TNKS: variants seen among roughly 807,000 people sequenced by gnomAD.
TNKS encodes poly [ADP-ribose] polymerase tankyrase-1.
A neutral mutation model predicts 135.8 loss-of-function variants in TNKS; 72 were observed. The ratio of observed to expected loss-of-function variants is 0.53; its 90% confidence interval spans 0.44 to 0.64. The LOEUF (loss-of-function observed/expected upper bound fraction) is 0.64, where lower values mean the gene tolerates loss of function less well. Among genes scored for constraint, TNKS ranks in the 30% least tolerant of loss-of-function variants. The probability of loss-of-function intolerance (pLI) is 0.00; values close to 1 mark genes in which losing one functional copy is unlikely to be tolerated. For missense variants in TNKS, 1,769 were observed against 1,674.0 expected (o/e 1.06, Z -0.99); for synonymous variants, 849 against 649.3 (o/e 1.31, Z -4.68).
rs1250009189 is a variant in TNKS at position 9,725,843 on chromosome 8, T to G, written c.1922-798T>G. ...TATTTGGGTCAATGTGAAATGAATT[T>G]TCAGTTTATTTACATTGGATTAATC... On this transcript the variant is annotated intron_variant, in intron 12 of 26. Coordinates refer to ENST00000310430, the MANE Select transcript of TNKS (RefSeq NM_003747.3). Among the ~76,000 whole-genome samples, 3 of 152,222 alleles carry G rather than the reference T, an allele frequency of 2.0e-5. No homozygotes were observed. The East Asian group carries it at 5.8e-4, about 29-fold the overall frequency.
At position 9,778,567 on chromosome 8, in the gene TNKS, C is replaced by T. The variant is rs1346072613; in HGVS notation, c.*1831C>T. 3 of 152,606 alleles carry T rather than the reference C, an allele frequency of 2.0e-5. No individual in the cohort carries two copies. In the East Asian group the frequency reaches 5.8e-4, roughly 29 times the overall value. 9.5% of individuals were successfully genotyped at this position (152,606 alleles called of 1,614,324 possible). On this transcript the variant is annotated 3_prime_UTR_variant, in exon 27 of 27. Transcript: ENST00000310430. ...AATCGAGAATTAGCCTCAGTTGTTG[C>T]TTCTTTTGAAGTTTCAGTGACCCAA...
At chr8:9,666,923 A>G (rs1802026328) in intron 3 of TNKS, among the ~76,000 whole-genome samples, 1 of 152,148 alleles carries the variant, frequency 6.6e-6, no homozygotes, top group African/African-American at 2.4e-5. Context: ...GAGGTATGTA[A>G]TATATTTCAT....
At chr8:9,598,305 C>G (rs1798870813) in intron 2 of TNKS, among the ~76,000 whole-genome samples, 1 of 151,982 alleles carries the variant, frequency 6.6e-6, no homozygotes, top group Non-Finnish European at 1.5e-5. Context: ...CCTCGGCGTC[C>G]CAAAGTGCTG....
chr8:9,574,711 C>T (rs1209483722), intron 1 of TNKS, among the ~76,000 whole-genome samples: 2 of 152,132 alleles, frequency 1.3e-5, no homozygotes, highest in Non-Finnish European at 2.9e-5. Context: ...TCGTTCAAGG[C>T]AGTAGTGTGT....
chr8:9,693,079 C>G (rs1803352597), intron 5 of TNKS, among the ~76,000 whole-genome samples: 1 of 152,096 alleles, frequency 6.6e-6, no homozygotes, highest in African/African-American at 2.4e-5. Context: ...CCTAAGAATT[C>G]CATTTTAATG....
intron 5 of TNKS, among the ~76,000 whole-genome samples, chr8:9,697,534 CAT>C (rs1803574701): frequency 6.6e-6 from 1 of 152,050 alleles, no homozygotes; most frequent in Non-Finnish European, 1.5e-5. Flanking sequence ...AGAAAATACT[CAT>C]AAACTATGCA....
At chr8:9,752,699 C>A in intron 20 of TNKS, 73 bp downstream of exon 20, 1 of 1,041,152 alleles carries the variant, frequency 9.6e-7, no homozygotes, top group Non-Finnish European at 1.4e-6. Flanking sequence ...TGGTTCACAC[C>A]TTACTCCCAA....
chr8:9,780,784 A>G lies in TNKS; in HGVS notation c.*4048A>G, dbSNP rs1230131851. Reference sequence around the variant, plus strand: ...GTTTCAGACCTGTTCATCTTATTTTATGATGGTATATTTCATAAGTAATAT... The same window carrying G: ...GTTTCAGACCTGTTCATCTTATTTTGTGATGGTATATTTCATAAGTAATAT... On this transcript the variant is annotated 3_prime_UTR_variant, in exon 27 of 27. Coordinates refer to ENST00000310430, the MANE Select transcript of TNKS (RefSeq NM_003747.3). 1.3e-5 allele frequency: 2 copies of G among 152,164 alleles called. No individual in the cohort carries two copies. The highest frequency in any genetic ancestry group is 2.9e-5 in the Non-Finnish European group (2 of 68,030). The allele number at this position is 152,164 out of a possible 1,614,324, so 9.4% of individuals were successfully genotyped here.
At chr8:9,565,603 G>T (rs373678387) in intron 1 of TNKS, among the ~76,000 whole-genome samples, 1 of 152,154 alleles carries the variant, frequency 6.6e-6, no homozygotes, top group Non-Finnish European at 1.5e-5. Context: ...GCTCACGCCT[G>T]TAATCCCAGC....
chr8:9,680,389 A>C (rs1241402638), intron 4 of TNKS, among the ~76,000 whole-genome samples: 2 of 152,116 alleles, frequency 1.3e-5, no homozygotes, highest in Non-Finnish European at 2.9e-5. Context: ...TTAATTGATT[A>C]GCTCTTTACA....
At chr8:9,762,299 T>C (rs1807185288) in intron 21 of TNKS, among the ~76,000 whole-genome samples, 1 of 152,202 alleles carries the variant, frequency 6.6e-6, no homozygotes, top group Non-Finnish European at 1.5e-5. Flanking sequence ...AATCAAATTA[T>C]AAAAGAGTGA....
chr8:9,563,118 A>G (rs1480607389), intron 1 of TNKS, among the ~76,000 whole-genome samples: 1 of 152,086 alleles, frequency 6.6e-6, no homozygotes. Context: ...TTTTAAGTGT[A>G]CAGTTTTGTG....
intron 3 of TNKS, chr8:9,658,527 C>G: frequency 4.7e-6 from 2 of 424,122 alleles, no homozygotes; most frequent in Non-Finnish European, 8.0e-6. Context: ...TACAGACAAG[C>G]AAATGCTGAG....
intron 1 of TNKS, among the ~76,000 whole-genome samples, chr8:9,572,011 A>G (rs566792038): frequency 1.9e-4 from 29 of 152,052 alleles, no homozygotes; most frequent in Non-Finnish European, 3.7e-4. Context: ...GTAACCCTAT[A>G]TTGTAATTAT....
chr8:9,615,733 T>A, intron 3 of TNKS, 56 bp downstream of exon 3: 2 of 1,395,552 alleles, frequency 1.4e-6, no homozygotes, highest in Non-Finnish European at 2.0e-6. Context: ...TTACTTGATT[T>A]TATAAAATCT....
At chr8:9,759,038 G>C (rs769282103) in intron 20 of TNKS, among the ~76,000 whole-genome samples, 1 of 152,150 alleles carries the variant, frequency 6.6e-6, no homozygotes, top group Non-Finnish European at 1.5e-5. Context: ...TCCTTGCCAT[G>C]TGAGCCTGTA....
At chr8:9,758,479 G>C (rs745826543) in intron 20 of TNKS, among the ~76,000 whole-genome samples, 1 of 152,104 alleles carries the variant, frequency 6.6e-6, no homozygotes, top group African/African-American at 2.4e-5. Flanking sequence ...CCAAGATAGC[G>C]TAGGTAGATC....
In TNKS at chr8:9,747,980, A is replaced by G. The variant is rs1233705001; in HGVS notation, c.2644-44A>G. ...GGTATACACAATGGTGCTTTACCAG[A>G]TGATCTCATTCTTAACTCTTTGTAT... On this transcript the variant is annotated intron_variant, in intron 17 of 26. Coordinates refer to ENST00000310430, the MANE Select transcript of TNKS (RefSeq NM_003747.3). 7 of 1,542,548 alleles carry G rather than the reference A, an allele frequency of 4.5e-6. No homozygotes were observed. In the Admixed American group the frequency reaches 9.4e-5, roughly 21 times the overall value.
At chr8:9,587,224 GAA>G (rs1294202517) in intron 2 of TNKS, among the ~76,000 whole-genome samples, 2 of 152,004 alleles carry the variant, frequency 1.3e-5, no homozygotes, top group Non-Finnish European at 2.9e-5. Context: ...GAGGCAGAGA[GAA>G]AGTCAGATGA....
Sources: gnomAD v4.1 joint callset for allele counts (sites outside exome capture counted in the v4.1 genomes callset) on GRCh38, gnomAD v4.1.1 for gene constraint, MANE v1.5 for transcripts, NCBI Gene and HGNC (gene_info 2026-07-23, HGNC 2026-07-21) for gene names.